The following ZNF804B variants were observed in gnomAD, a reference collection of about 807,000 sequenced individuals.
ZNF804B encodes zinc finger 804B.
ZNF804B carries 80 observed loss-of-function variants against 101.4 expected under a neutral mutation model. The observed-to-expected ratio is 0.79, with a 90% CI of 0.66 to 0.95. The LOEUF (loss-of-function observed/expected upper bound fraction) is 0.95. Ranked by LOEUF, ZNF804B falls within the 40% of genes least tolerant of loss-of-function variation. The pLI, the probability that ZNF804B is intolerant of heterozygous loss-of-function variation, is 0.00. For missense variants in ZNF804B, 1,673 were observed against 1,561.9 expected, an observed-to-expected ratio of 1.07 and a Z score of -1.20; for synonymous variants, 622 against 558.8, an observed-to-expected ratio of 1.11 and a Z score of -1.59.
chr7:88,794,578 G>C lies in ZNF804B; in HGVS notation c.108+34494G>C, dbSNP rs200976271. The C allele has an allele frequency of 1.9e-4, 305 of 1,613,446 alleles. 1 individual carries two copies. The highest frequency in any genetic ancestry group is 4.7e-4 in the Admixed American group (28 of 59,898). On this transcript the variant is annotated intron_variant, in intron 1 of 3. Transcript: ENST00000333190. ...TTTCATTTGTTGAATAAAAAATACTGTTTCATCTTTGACATGGCCAATATA... is the reference window on the plus strand; with the variant it reads ...TTTCATTTGTTGAATAAAAAATACTCTTTCATCTTTGACATGGCCAATATA...
intron 1 of ZNF804B, among the ~76,000 whole-genome samples, chr7:88,953,139 A>C (rs934775380): frequency 4.0e-5 from 6 of 151,628 alleles, no homozygotes; most frequent in African/African-American, 1.5e-4. Context: ...TTCTCTTGAA[A>C]CTTATGGAGA....
chr7:89,298,257 T>TATATATATATATAC (rs1429786060), intron 2 of ZNF804B, among the ~76,000 whole-genome samples: 2 of 108,436 alleles, frequency 1.8e-5, no homozygotes, highest in East Asian at 8.0e-4. Context: ...TATATATATA[T>TATATATATATATAC]ACTTTAAGTT....
chr7:88,761,108 T>G (rs1789889171), intron 1 of ZNF804B, among the ~76,000 whole-genome samples: 1 of 151,898 alleles, frequency 6.6e-6, no homozygotes, highest in Admixed American at 6.6e-5. Flanking sequence ...GTTTAATGCT[T>G]CTTTAGCATG....
intron 1 of ZNF804B, among the ~76,000 whole-genome samples, chr7:88,968,685 G>A (rs1232750481): frequency 6.6e-6 from 1 of 151,480 alleles, no homozygotes; most frequent in African/African-American, 2.4e-5. Context: ...AAATTGTAAG[G>A]AGACTTTTCA....
At chr7:89,323,722 G>A (rs1350307192) in intron 2 of ZNF804B, among the ~76,000 whole-genome samples, 3 of 152,078 alleles carry the variant, frequency 2.0e-5, no homozygotes, top group South Asian at 4.1e-4. Context: ...TTTACCACCC[G>A]CTTTGCACAA....
intron 1 of ZNF804B, among the ~76,000 whole-genome samples, chr7:88,876,306 C>A (rs928161312): frequency 2.0e-5 from 3 of 152,164 alleles, no homozygotes; most frequent in Admixed American, 6.6e-5. Flanking sequence ...TTAGATCTAA[C>A]TTGCTCTTTT....
intron 3 of ZNF804B, among the ~76,000 whole-genome samples, 179 bp downstream of exon 3, chr7:89,327,653 C>T (rs1790915650): frequency 6.6e-6 from 1 of 151,878 alleles, no homozygotes; most frequent in African/African-American, 2.4e-5. Flanking sequence ...ATTTTTCTTT[C>T]CTAATATTGT....
At chr7:89,190,427 A>T (rs1788439824) in intron 1 of ZNF804B, among the ~76,000 whole-genome samples, 1 of 152,074 alleles carries the variant, frequency 6.6e-6, no homozygotes, top group Non-Finnish European at 1.5e-5. Flanking sequence ...ATTTTAACAG[A>T]CAAGGAGTTG....
intron 1 of ZNF804B, among the ~76,000 whole-genome samples, chr7:89,199,891 T>A: frequency 6.7e-6 from 1 of 148,384 alleles, no homozygotes; most frequent in East Asian, 1.9e-4. Context: ...TTATATAATA[T>A]ATGTATAATA....
intron 1 of ZNF804B, among the ~76,000 whole-genome samples, chr7:88,902,794 G>C (rs891092655): frequency 6.6e-6 from 1 of 151,820 alleles, no homozygotes; most frequent in African/African-American, 2.4e-5. Flanking sequence ...ATATGGATAC[G>C]TATCTATTTT....
chr7:89,295,957 A>C (rs1733491656), intron 2 of ZNF804B, among the ~76,000 whole-genome samples: 2 of 152,148 alleles, frequency 1.3e-5, no homozygotes, highest in Admixed American at 1.3e-4. Flanking sequence ...TTGAATACGC[A>C]AAGGCATACA....
chr7:89,199,122 A>T (rs1204984655), intron 1 of ZNF804B, among the ~76,000 whole-genome samples: 1 of 151,848 alleles, frequency 6.6e-6, no homozygotes, highest in Non-Finnish European at 1.5e-5. Context: ...TTATCCATAT[A>T]GTGTATCACT....
intron 1 of ZNF804B, among the ~76,000 whole-genome samples, chr7:89,040,207 A>C (rs1788994630): frequency 6.6e-6 from 1 of 151,498 alleles, no homozygotes. Flanking sequence ...TAAATCTCTT[A>C]TTTATTTATA....
intron 2 of ZNF804B, among the ~76,000 whole-genome samples, chr7:89,277,633 A>T (rs1584099725): frequency 6.6e-6 from 1 of 150,896 alleles, no homozygotes; most frequent in East Asian, 2.0e-4. Context: ...CTTTACTGAG[A>T]ATGATGATTT....
chr7:89,067,613 G>T (rs1467640687), intron 1 of ZNF804B, among the ~76,000 whole-genome samples: 11 of 152,118 alleles, frequency 7.2e-5, no homozygotes, highest in African/African-American at 2.7e-4. Context: ...AGAGTTGGAA[G>T]ACTTCTGTTG....
chr7:89,024,751 AC>A (rs1788723408), intron 1 of ZNF804B, among the ~76,000 whole-genome samples: 1 of 151,282 alleles, frequency 6.6e-6, no homozygotes, highest in Non-Finnish European at 1.5e-5. Context: ...CATTCCATGG[AC>A]CTGTGTAGTC....
Position 88,857,822 on chromosome 7 carries a change from CTTTTTTTT to C in ZNF804B, c.108+97760_108+97767del, listed in dbSNP as rs55841922. Among the ~76,000 whole-genome samples, 349 of 81,464 alleles carry C rather than the reference CTTTTTTTT, an allele frequency of 4.3e-3. 1 individual carries two copies. Among genetic ancestry groups the C allele is most frequent in the African/African-American group, 0.017 (327 of 18,860 alleles). 53.4% of individuals were successfully genotyped at this position (81,464 alleles called of 152,430 possible). A position where few individuals can be genotyped will look rare whatever the true frequency, so the allele number is the denominator to read the frequency against. On this transcript the variant is annotated intron_variant, in intron 1 of 3. Transcript: ENST00000333190. ...CTTTCTTTCTCCTTTCCTTTCTTTT[CTTTTTTTT>C]TTTTTTTTTTTTTTTTTTTTTGTCA... is the stretch of plus-strand genomic sequence containing the variant.
At chr7:89,140,370 C>G (rs958904338) in intron 1 of ZNF804B, among the ~76,000 whole-genome samples, 7 of 151,994 alleles carry the variant, frequency 4.6e-5, no homozygotes, top group Admixed American at 3.3e-4. Context: ...GGCGGCCTGT[C>G]ATTGAAAGCT....
chr7:88,924,133 C>G (rs907341661), intron 1 of ZNF804B, among the ~76,000 whole-genome samples: 1 of 151,982 alleles, frequency 6.6e-6, no homozygotes, highest in African/African-American at 2.4e-5. Context: ...TACTGTATTA[C>G]CTTCATAAAT....
Sources: allele counts gnomAD v4.1 joint callset (sites outside exome capture counted in the v4.1 genomes callset), GRCh38; gene constraint gnomAD v4.1.1; transcripts MANE v1.5; gene names NCBI Gene and HGNC (gene_info 2026-07-23, HGNC 2026-07-21).